VWA8: variants seen among roughly 807,000 people sequenced by gnomAD.
The protein encoded by VWA8 is von Willebrand factor A domain-containing protein 8.
In VWA8, 221 loss-of-function variants were observed where a neutral mutation model predicts 241.5. The observed-to-expected ratio is 0.91, with a 90% CI of 0.82 to 1.02. The LOEUF (loss-of-function observed/expected upper bound fraction) is 1.02, where lower values mean the gene tolerates loss of function less well. VWA8 is among the 50% of genes least tolerant of loss of function. The pLI, the probability that VWA8 is intolerant of heterozygous loss-of-function variation, is 0.00. For missense variants in VWA8, 2,322 were observed against 2,328.7 expected, an observed-to-expected ratio of 1.00 and a Z score of 0.06; for synonymous variants, 852 against 827.1, an observed-to-expected ratio of 1.03 and a Z score of -0.52.
intron 26 of VWA8, chr13:41,719,303 T>C (rs1372589480): frequency 4.3e-6 from 5 of 1,167,106 alleles, no homozygotes; most frequent in East Asian, 4.9e-5. Context: ...GAAATAGTAA[T>C]ACGCATAGTA....
intron 21 of VWA8, 105 bp from the exon 22 acceptor site, chr13:41,732,260 C>T: frequency 9.9e-7 from 1 of 1,009,228 alleles, no homozygotes; most frequent in Non-Finnish European, 1.4e-6. Flanking sequence ...TTTTGTTCAT[C>T]ATCCTGCTTC....
At chr13:41,687,214 A>T (rs1169976165) in intron 34 of VWA8, among the ~76,000 whole-genome samples, 2 of 152,148 alleles carry the variant, frequency 1.3e-5, no homozygotes. Flanking sequence ...AGCACAATTT[A>T]TCAATTTTCT....
chr13:41,845,553 A>C lies in VWA8; in HGVS notation c.1426-12022T>G, dbSNP rs552783129. Among the ~76,000 whole-genome samples, 12 of 152,150 alleles carry C rather than the reference A, an allele frequency of 7.9e-5. No individual in the cohort carries two copies. In the South Asian group the frequency reaches 2.5e-3, roughly 32 times the overall value. ...CAGTACTATTCACAACAGCAAAGAC[A>C]TGGAAGCAAACTAGATGCACATCAA... On this transcript the variant is annotated intron_variant, in intron 12 of 44. Transcript: ENST00000379310.
chr13:41,620,456 T>C (rs891648307), intron 37 of VWA8, among the ~76,000 whole-genome samples: 1 of 152,212 alleles, frequency 6.6e-6, no homozygotes, highest in African/African-American at 2.4e-5. Context: ...GGATTTTTTG[T>C]GTCTCTATCT....
intron 12 of VWA8, among the ~76,000 whole-genome samples, chr13:41,851,682 A>AGTTCC (rs1872538632): frequency 6.6e-6 from 1 of 152,046 alleles, no homozygotes; most frequent in Non-Finnish European, 1.5e-5. Flanking sequence ...AGTCATGTGG[A>AGTTCC]ACTATAAGTT....
chr13:41,960,280 T>C (rs901087517), intron 1 of VWA8, among the ~76,000 whole-genome samples: 3 of 152,202 alleles, frequency 2.0e-5, no homozygotes, highest in Admixed American at 6.5e-5. Flanking sequence ...GTGTTTTAAC[T>C]AAATTAAGGT....
At chr13:41,590,573 G>A (rs539179900) in intron 41 of VWA8, 67 bp downstream of exon 41, 92 of 1,448,154 alleles carry the variant, frequency 6.4e-5, no homozygotes, top group Non-Finnish European at 7.7e-5. Context: ...CACAACTCAC[G>A]AAAGCAAGTT....
intron 8 of VWA8, among the ~76,000 whole-genome samples, 182 bp from the exon 9 acceptor site, chr13:41,883,673 T>C (rs1874375260): frequency 6.6e-6 from 1 of 152,226 alleles, no homozygotes; most frequent in Non-Finnish European, 1.5e-5. Context: ...GCCCTTTCTC[T>C]GGGTAAGCTT....
intron 9 of VWA8, among the ~76,000 whole-genome samples, chr13:41,871,782 T>G (rs1307127228): frequency 6.6e-6 from 1 of 152,186 alleles, no homozygotes; most frequent in Non-Finnish European, 1.5e-5. Context: ...GCATGTGTCT[T>G]TATAGCAGCA....
At chr13:41,830,742 C>T in intron 13 of VWA8, 100 bp from the exon 14 acceptor site, 6 of 965,170 alleles carry the variant, frequency 6.2e-6, no homozygotes, top group Non-Finnish European at 9.2e-6. Flanking sequence ...TTATTGCTGG[C>T]AATTGAGTCT....
At chr13:41,840,648 A>G (rs1019782788) in intron 12 of VWA8, among the ~76,000 whole-genome samples, 2 of 152,030 alleles carry the variant, frequency 1.3e-5, no homozygotes, top group East Asian at 3.9e-4. Context: ...AGTCCCAGCT[A>G]CTTGGGGAGC....
intron 12 of VWA8, 136 bp from the exon 13 acceptor site, chr13:41,833,667 TCCAA>T (rs1462890375): frequency 4.6e-6 from 5 of 1,089,578 alleles, no homozygotes; most frequent in Non-Finnish European, 6.0e-6. Flanking sequence ...AGTCATCTTC[TCCAA>T]TTCCTAAAAC....
At chr13:41,704,571 C>T (rs973043813) in intron 26 of VWA8, among the ~76,000 whole-genome samples, 13 of 151,844 alleles carry the variant, frequency 8.6e-5, no homozygotes, top group Admixed American at 1.3e-4. Flanking sequence ...TCATGATCCT[C>T]CCACCTCATC....
intron 21 of VWA8, among the ~76,000 whole-genome samples, chr13:41,759,735 T>C (rs1409522221): frequency 1.3e-5 from 2 of 151,870 alleles, no homozygotes; most frequent in Admixed American, 1.3e-4. Context: ...CCAATTTTCC[T>C]GCTTTTTTTG....
At chr13:41,600,966 CTT>C in intron 40 of VWA8, among the ~76,000 whole-genome samples, 1 of 152,282 alleles carries the variant, frequency 6.6e-6, no homozygotes, top group Non-Finnish European at 1.5e-5. Flanking sequence ...TTCCACCTCT[CTT>C]GTCTCTGAAA....
chr13:41,873,511 A>C (rs963129948), intron 9 of VWA8, among the ~76,000 whole-genome samples: 3 of 152,154 alleles, frequency 2.0e-5, no homozygotes, highest in Non-Finnish European at 2.9e-5. Context: ...TATCACCACC[A>C]ATCCCACAGA....
chr13:41,780,399 T>C lies in VWA8; in HGVS notation c.2278-2343A>G, dbSNP rs551820761. 1.4e-4 allele frequency among the ~76,000 whole-genome samples: 22 copies of C among 152,310 alleles called. No individual in the cohort carries two copies. In the South Asian group the frequency reaches 4.6e-3, roughly 32 times the overall value. On this transcript the variant is annotated intron_variant, in intron 19 of 44. Transcript: ENST00000379310. ...ATCTAAAACTCAACTTATTACTTTCTCCTGAACTTCATTCTTTATCCTGTA... is the reference window on the plus strand; with the variant it reads ...ATCTAAAACTCAACTTATTACTTTCCCCTGAACTTCATTCTTTATCCTGTA...
chr13:41,829,973 T>C (rs1432331432), intron 14 of VWA8, among the ~76,000 whole-genome samples: 1 of 152,184 alleles, frequency 6.6e-6, no homozygotes, highest in Non-Finnish European at 1.5e-5. Flanking sequence ...CCGGGCACAG[T>C]GGCTCACGCC....
chr13:41,846,740 A>G (rs143393029), intron 12 of VWA8, among the ~76,000 whole-genome samples: 1 of 152,344 alleles, frequency 6.6e-6, no homozygotes, highest in African/African-American at 2.4e-5. Context: ...ATTTAAAAAT[A>G]ATCTAAAATT....
Sources: allele counts gnomAD v4.1 joint callset (sites outside exome capture counted in the v4.1 genomes callset), GRCh38; gene constraint gnomAD v4.1.1; transcripts MANE v1.5; gene names NCBI Gene and HGNC (gene_info 2026-07-23, HGNC 2026-07-21).